RASGRP3: variants seen among roughly 807,000 people sequenced by gnomAD.
RASGRP3 encodes RAS guanyl releasing protein 3.
RASGRP3 carries 54 observed loss-of-function variants against 82.7 expected under a neutral mutation model. The observed-to-expected ratio is 0.65, with a 90% CI of 0.52 to 0.82. The LOEUF is 0.82. RASGRP3 is among the 40% of genes least tolerant of loss of function. The pLI, the probability that RASGRP3 is intolerant of heterozygous loss-of-function variation, is 0.00. For synonymous variants in RASGRP3, 309 were observed against 300.5 expected (o/e 1.03, Z -0.29); for missense variants, 861 against 828.9 (o/e 1.04, Z -0.48).
chr2:33,550,727 T>C lies in RASGRP3; in HGVS notation c.1542+976T>C, dbSNP rs201822514. ...CCTCCTGTTGACTCGTTGACCCATA[T>C]TGAATTTGTTGCCGATATTATACGC... On this transcript the variant is annotated intron_variant, in intron 14 of 17. Coordinates refer to ENST00000403687, the MANE Select transcript of RASGRP3 (RefSeq NM_001139488.2). Among the ~76,000 whole-genome samples, 47 of 152,296 alleles carry C rather than the reference T, an allele frequency of 3.1e-4. No individual in the cohort carries two copies. The East Asian group carries it at 3.3e-3, about 11-fold the overall frequency.
At chr2:33,458,905 A>C (rs1367372400) in intron 2 of RASGRP3, among the ~76,000 whole-genome samples, 2 of 152,210 alleles carry the variant, frequency 1.3e-5, no homozygotes, top group Non-Finnish European at 2.9e-5. Flanking sequence ...TGGTATGTGC[A>C]GATAATAAGG....
chr2:33,558,577 T>A, intron 16 of RASGRP3, 95 bp from the exon 17 acceptor site: 1 of 1,208,292 alleles, frequency 8.3e-7, no homozygotes, highest in Non-Finnish European at 1.1e-6. Context: ...TCCTCTAGAA[T>A]GTTGCATGCC....
intron 5 of RASGRP3, 86 bp downstream of exon 5, chr2:33,520,100 T>A (rs1162846638): frequency 1.8e-6 from 2 of 1,130,232 alleles, no homozygotes; most frequent in Non-Finnish European, 2.6e-6. Context: ...GCAGACCTAG[T>A]TTGACAACAG....
In RASGRP3 at chr2:33,540,615, TTCTCTCTC is replaced by T. The variant is rs72384480; in HGVS notation, c.1278+1423_1278+1430del. Among the ~76,000 whole-genome samples the T allele has an allele frequency of 4.0e-4, 49 of 121,806 alleles. 7 individuals carry two copies. The highest frequency in any genetic ancestry group is 2.3e-3 in the East Asian group (10 of 4,398). The allele number at this position is 121,806 out of a possible 152,430, so 79.9% of individuals were successfully genotyped here. A position where few individuals can be genotyped will look rare whatever the true frequency, so the allele number is the denominator to read the frequency against. ...GTGTGTGTGTGTGTGTCTGGGGAAT[TTCTCTCTC>T]TCTCTCTCTCTCTCTCTGTCTCATT... On this transcript the variant is annotated intron_variant, in intron 12 of 17. Transcript: ENST00000403687.
intron 4 of RASGRP3, among the ~76,000 whole-genome samples, chr2:33,518,663 T>A (rs1413259303): frequency 1.3e-5 from 2 of 152,176 alleles, no homozygotes; most frequent in East Asian, 3.8e-4. Flanking sequence ...CTGTAAAAAA[T>A]ATTTTCTTTC....
chr2:33,459,538 G>A (rs1347090606), intron 2 of RASGRP3, among the ~76,000 whole-genome samples: 4 of 152,098 alleles, frequency 2.6e-5, no homozygotes, highest in East Asian at 1.9e-4. Flanking sequence ...ACTAATTAAA[G>A]TGGTAAGGAC....
intron 1 of RASGRP3, among the ~76,000 whole-genome samples, chr2:33,440,615 T>C (rs549498300): frequency 6.6e-6 from 1 of 152,320 alleles, no homozygotes; most frequent in African/African-American, 2.4e-5. Context: ...TCTCCATCTT[T>C]TGGTTACTCT....
At chr2:33,494,198 T>G (rs1669105451) in intron 1 of RASGRP3, among the ~76,000 whole-genome samples, 1 of 152,208 alleles carries the variant, frequency 6.6e-6, no homozygotes, top group Admixed American at 6.5e-5. Flanking sequence ...ACATATTCTG[T>G]GTCGCCTACT....
In RASGRP3 at chr2:33,519,958, A is replaced by C. The variant is rs1018887299; in HGVS notation, c.180A>C (p.Arg60=). 6.2e-7 allele frequency: 1 copy of C among 1,609,710 alleles called. No individual in the cohort carries two copies. ...TTTTCTTTAACTGGTTTACGTATCG[A>C]AATGCCACTGGAGAAAGCTGCAATG... ...ELAEKLLCMY[R]NATGESCNEF... The change falls in exon 5 of 18, where the codon CGA becomes CGC. Residue 60 remains arginine (R), a synonymous_variant. Coordinates refer to ENST00000403687, the MANE Select transcript of RASGRP3 (RefSeq NM_001139488.2).
At chr2:33,466,681 A>AAG (rs1666716645) in intron 2 of RASGRP3, among the ~76,000 whole-genome samples, 1 of 147,652 alleles carries the variant, frequency 6.8e-6, no homozygotes, top group Non-Finnish European at 1.5e-5. Context: ...CTCTGTATCA[A>AAG]AAAAAAAAAA....
At chr2:33,513,113 A>G (rs555394205) in intron 2 of RASGRP3, among the ~76,000 whole-genome samples, 10 of 152,332 alleles carry the variant, frequency 6.6e-5, no homozygotes, top group Admixed American at 2.6e-4. Context: ...TGCTTTCACA[A>G]ATCATTTCAG....
chr2:33,498,352 G>A (rs1037158362), intron 1 of RASGRP3, among the ~76,000 whole-genome samples: 5 of 152,174 alleles, frequency 3.3e-5, no homozygotes, highest in African/African-American at 1.2e-4. Flanking sequence ...CAGTTAGAAA[G>A]TTCAAGAGTT....
chr2:33,562,098 C>T (rs1676727393), intron 17 of RASGRP3, among the ~76,000 whole-genome samples: 1 of 152,026 alleles, frequency 6.6e-6, no homozygotes, highest in Non-Finnish European at 1.5e-5. Flanking sequence ...TCTCAGTGCC[C>T]TCTTGCACTA....
chr2:33,525,267 G>T (rs1375790128), intron 9 of RASGRP3, among the ~76,000 whole-genome samples: 1 of 151,800 alleles, frequency 6.6e-6, no homozygotes, highest in Non-Finnish European at 1.5e-5. Flanking sequence ...ACTGTGTTGG[G>T]CACATCAGAA....
At chr2:33,557,606 A>T (rs1676138116) in intron 15 of RASGRP3, among the ~76,000 whole-genome samples, 1 of 151,624 alleles carries the variant, frequency 6.6e-6, no homozygotes, top group Admixed American at 6.6e-5. Flanking sequence ...GCTACTCGGG[A>T]GGCTGAGGCA....
At chr2:33,492,254 A>G (rs1196349843) in intron 1 of RASGRP3, among the ~76,000 whole-genome samples, 1 of 152,176 alleles carries the variant, frequency 6.6e-6, no homozygotes, top group Non-Finnish European at 1.5e-5. Context: ...TTCTTCAGAA[A>G]TCCTCTGGGG....
intron 14 of RASGRP3, 38 bp from the exon 15 acceptor site, chr2:33,555,493 C>A: frequency 1.3e-6 from 2 of 1,556,672 alleles, no homozygotes; most frequent in South Asian, 1.2e-5. Flanking sequence ...CCAGATCTAT[C>A]CTCAGATTCC....
intron 1 of RASGRP3, among the ~76,000 whole-genome samples, chr2:33,480,902 T>C (rs1365571341): frequency 6.6e-6 from 1 of 152,180 alleles, no homozygotes; most frequent in Non-Finnish European, 1.5e-5. Context: ...TGCTTTGATC[T>C]TTGAGCTCAT....
chr2:33,499,944 C>T (rs938445350), intron 1 of RASGRP3, among the ~76,000 whole-genome samples: 7 of 151,982 alleles, frequency 4.6e-5, no homozygotes, highest in East Asian at 1.9e-4. Context: ...TTGGAGAGAC[C>T]GACAGAACCA....
Sources: allele counts gnomAD v4.1 joint callset (sites outside exome capture counted in the v4.1 genomes callset), GRCh38; gene constraint gnomAD v4.1.1; transcripts MANE v1.5; gene names NCBI Gene and HGNC (gene_info 2026-07-23, HGNC 2026-07-21).